The following TBC1D5 variants were observed in gnomAD, a reference collection of about 807,000 sequenced individuals.
The protein encoded by TBC1D5 is TBC1 domain family, member 5.
In TBC1D5, 75 loss-of-function variants were observed where a neutral mutation model predicts 100.3. The ratio of observed to expected loss-of-function variants is 0.75; its 90% CI spans 0.62 to 0.91. The LOEUF (loss-of-function observed/expected upper bound fraction) is 0.91, where lower values mean the gene tolerates loss of function less well. TBC1D5 is among the 40% of genes least tolerant of loss of function. TBC1D5 has a pLI of 0.00. For missense variants in TBC1D5, 910 were observed against 942.4 expected (o/e 0.97, Z 0.45); for synonymous variants, 323 against 325.6 (o/e 0.99, Z 0.09).
intron 15 of TBC1D5, among the ~76,000 whole-genome samples, chr3:17,286,278 T>C (rs1443571258): frequency 6.6e-6 from 1 of 152,228 alleles, no homozygotes; most frequent in African/African-American, 2.4e-5. Flanking sequence ...AACAATAGTT[T>C]TAAACCTTTT....
chr3:17,547,273 C>T (rs1311942011), intron 2 of TBC1D5, among the ~76,000 whole-genome samples: 2 of 150,816 alleles, frequency 1.3e-5, no homozygotes, highest in African/African-American at 2.5e-5. Flanking sequence ...AATAAGGTTA[C>T]GATGAAAAGG....
chr3:17,655,952 A>T (rs546721266), intron 1 of TBC1D5, among the ~76,000 whole-genome samples: 29 of 152,288 alleles, frequency 1.9e-4, no homozygotes, highest in South Asian at 1.4e-3. Context: ...AAGAAAATAC[A>T]TTTCTGTTTT....
chr3:17,193,182 C>T (rs374945098), intron 18 of TBC1D5, among the ~76,000 whole-genome samples: 19 of 152,216 alleles, frequency 1.2e-4, no homozygotes, highest in African/African-American at 4.1e-4. Context: ...CAGAGCTCCT[C>T]GCTGATTGTG....
chr3:17,675,479 C>T (rs1002907539), intron 1 of TBC1D5, among the ~76,000 whole-genome samples: 1 of 152,114 alleles, frequency 6.6e-6, no homozygotes, highest in South Asian at 2.1e-4. Context: ...AGAAAAGATA[C>T]GTTCCTAAAG....
chr3:17,588,752 A>G (rs972629691), intron 2 of TBC1D5, among the ~76,000 whole-genome samples: 8 of 152,188 alleles, frequency 5.3e-5, no homozygotes, highest in African/African-American at 1.7e-4. Flanking sequence ...ATAAAATACT[A>G]AAGTCTTAGG....
chr3:17,590,231 T>C (rs970043365), intron 2 of TBC1D5, among the ~76,000 whole-genome samples: 1 of 152,206 alleles, frequency 6.6e-6, no homozygotes, highest in Non-Finnish European at 1.5e-5. Context: ...CATGGGAATG[T>C]ACATTAAGGG....
At chr3:17,256,567 T>C (rs540859431) in intron 16 of TBC1D5, among the ~76,000 whole-genome samples, 1 of 151,560 alleles carries the variant, frequency 6.6e-6, no homozygotes, top group Admixed American at 6.6e-5. Context: ...GAGAAAATAA[T>C]GGGTACAATA....
At chr3:17,371,068 TACACACACACACACAC>T (rs111820681) in intron 13 of TBC1D5, among the ~76,000 whole-genome samples, 1 of 146,400 alleles carries the variant, frequency 6.8e-6, no homozygotes, top group Admixed American at 6.9e-5. Flanking sequence ...ACTGAAAAAA[TACACACACACACACAC>T]ACACACACAC....
intron 3 of TBC1D5, among the ~76,000 whole-genome samples, chr3:17,466,403 C>A (rs1250402142): frequency 6.6e-6 from 1 of 152,198 alleles, no homozygotes. Context: ...GGTATCTATA[C>A]AACAAGTTCC....
intron 2 of TBC1D5, among the ~76,000 whole-genome samples, chr3:17,589,384 T>G (rs2096752235): frequency 2.6e-5 from 4 of 152,240 alleles, no homozygotes; most frequent in Admixed American, 2.6e-4. Context: ...AAATCTCATC[T>G]TGAATTCCCA....
chr3:17,673,496 T>C (rs998869312), intron 1 of TBC1D5, among the ~76,000 whole-genome samples: 2 of 105,722 alleles, frequency 1.9e-5, no homozygotes, highest in South Asian at 3.9e-4. Flanking sequence ...TTTTTTTTTT[T>C]GCAGAGTGAG....
chr3:17,258,676 C>T (rs2077982124), intron 15 of TBC1D5, 85 bp from the exon 16 acceptor site: 1 of 1,046,150 alleles, frequency 9.6e-7, no homozygotes, highest in African/African-American at 1.6e-5. Flanking sequence ...ATTTTAATAT[C>T]CCTTCAGAAA....
chr3:17,358,996 C>T (rs955655154), intron 13 of TBC1D5, among the ~76,000 whole-genome samples: 12 of 151,902 alleles, frequency 7.9e-5, no homozygotes, highest in African/African-American at 2.9e-4. Context: ...GCCTAACTTA[C>T]TATATTATTA....
At chr3:17,685,945 A>T (rs780105743) in intron 1 of TBC1D5, among the ~76,000 whole-genome samples, 1 of 152,156 alleles carries the variant, frequency 6.6e-6, no homozygotes, top group Non-Finnish European at 1.5e-5. Flanking sequence ...ATGTTTTACA[A>T]TTCTAAAAAT....
chr3:17,442,442 C>T (rs1372673190), intron 3 of TBC1D5, among the ~76,000 whole-genome samples: 1 of 152,190 alleles, frequency 6.6e-6, no homozygotes, highest in African/African-American at 2.4e-5. Context: ...TCTCTCATCA[C>T]TTTGCCAAAA....
At chr3:17,427,688 T>C (rs2094364667) in intron 4 of TBC1D5, among the ~76,000 whole-genome samples, 1 of 151,938 alleles carries the variant, frequency 6.6e-6, no homozygotes, top group Admixed American at 6.6e-5. Context: ...TGCATTGCCA[T>C]CTATAATGTT....
chr3:17,737,511 C>T (rs945199467), intron 1 of TBC1D5, among the ~76,000 whole-genome samples: 30 of 152,282 alleles, frequency 2.0e-4, no homozygotes, highest in African/African-American at 7.2e-4. Flanking sequence ...AAAATTTCAA[C>T]AATAGGCATT....
At chr3:17,187,394 CAT>C (rs1426002096) in intron 18 of TBC1D5, among the ~76,000 whole-genome samples, 5 of 152,136 alleles carry the variant, frequency 3.3e-5, no homozygotes, top group African/African-American at 1.2e-4. Context: ...GGAGAGAACA[CAT>C]AGAGAAAAAG....
intron 15 of TBC1D5, among the ~76,000 whole-genome samples, chr3:17,277,184 T>A (rs1005378138): frequency 2.6e-5 from 4 of 152,212 alleles, no homozygotes; most frequent in Non-Finnish European, 5.9e-5. Flanking sequence ...AGAAGAAAAG[T>A]TGCTCAAGGT....
Sources: allele counts gnomAD v4.1 joint callset (sites outside exome capture counted in the v4.1 genomes callset), GRCh38; gene constraint gnomAD v4.1.1; transcripts MANE v1.5; gene names NCBI Gene and HGNC (gene_info 2026-07-23, HGNC 2026-07-21).